The following ROBO1 variants were observed in gnomAD, a reference collection of about 807,000 sequenced individuals.
ROBO1 encodes roundabout guidance receptor 1, also known as roundabout homolog 1.
In ROBO1, 149 loss-of-function variants were observed where a neutral mutation model predicts 195.9. The ratio of observed to expected loss-of-function variants is 0.76; its 90% CI spans 0.67 to 0.87. The LOEUF is 0.87. Among genes scored for constraint, ROBO1 ranks in the 40% least tolerant of loss-of-function variants. The pLI is 0.00. For synonymous variants in ROBO1, 816 were observed against 733.2 expected (o/e 1.11, Z -1.82); for missense variants, 1,933 against 2,068.3 (o/e 0.93, Z 1.27).
intron 2 of ROBO1, among the ~76,000 whole-genome samples, chr3:79,182,542 G>GGTGTGTGTGTGTGT (rs71127377): frequency 0.013 from 1,876 of 148,528 alleles, 46 homozygotes; most frequent in African/African-American, 0.043. Context: ...CTGGGGCACA[G>GGTGTGTGTGTGTGT]GTGTGTGTGT....
At chr3:79,519,202 G>T (rs537708892) in intron 2 of ROBO1, among the ~76,000 whole-genome samples, 42 of 152,120 alleles carry the variant, frequency 2.8e-4, no homozygotes, top group Non-Finnish European at 5.0e-4. Flanking sequence ...GAGATGATAA[G>T]ATCTTTAAGA....
At chr3:78,909,818 A>C (rs772147715) in intron 4 of ROBO1, among the ~76,000 whole-genome samples, 3 of 151,798 alleles carry the variant, frequency 2.0e-5, no homozygotes, top group Non-Finnish European at 4.4e-5. Flanking sequence ...ACAGTTATTT[A>C]ATTTTATGAT....
chr3:78,877,161 C>T (rs539096618), intron 4 of ROBO1, among the ~76,000 whole-genome samples: 5 of 152,168 alleles, frequency 3.3e-5, no homozygotes, highest in African/African-American at 1.2e-4. Flanking sequence ...ATGTTACTGA[C>T]ATTTTGTAAT....
chr3:78,729,691 G>C (rs1363280575), intron 5 of ROBO1, among the ~76,000 whole-genome samples: 2 of 152,138 alleles, frequency 1.3e-5, no homozygotes, highest in Non-Finnish European at 2.9e-5. Context: ...ATTAAGACTA[G>C]AACCCCAAAG....
chr3:79,382,383 CAT>C (rs1223030467), intron 2 of ROBO1, among the ~76,000 whole-genome samples: 1 of 152,046 alleles, frequency 6.6e-6, no homozygotes, highest in Non-Finnish European at 1.5e-5. Flanking sequence ...ATCTGGCTAA[CAT>C]ATAGAATTTG....
intron 7 of ROBO1, chr3:78,715,313 T>G (rs2081873482): frequency 6.6e-6 from 1 of 152,124 alleles, no homozygotes; most frequent in South Asian, 2.1e-4. Flanking sequence ...CTTAACACAT[T>G]TACGTATCTT....
rs537140085 is a variant in ROBO1 at position 79,451,915 on chromosome 3, GA to G, written c.88+137908del. ...AACTTTCTGCTGTTAGGTCCGTCCA[GA>G]AAAAAAAAAGTTAAGCAATAAAATG... On this transcript the variant is annotated intron_variant, in intron 2 of 30. Coordinates refer to ENST00000464233, the MANE Select transcript of ROBO1 (RefSeq NM_002941.4). 7.2e-3 allele frequency among the ~76,000 whole-genome samples: 1,050 copies of G among 146,826 alleles called. 9 individuals carry two copies. The highest frequency in any genetic ancestry group is 0.021 in the Middle Eastern group (6 of 290).
At chr3:79,215,227 G>A (rs562469669) in intron 2 of ROBO1, among the ~76,000 whole-genome samples, 182 of 152,156 alleles carry the variant, frequency 1.2e-3, no homozygotes, top group African/African-American at 4.2e-3. Flanking sequence ...ATAGCAATAA[G>A]TCTCAGTGTT....
At position 79,589,835 on chromosome 3, in the gene ROBO1, T is replaced by C. The variant is rs1943941922; in HGVS notation, c.77A>G (p.Gln26Arg). 1 of 1,610,648 alleles carries C rather than the reference T, an allele frequency of 6.2e-7. No individual in the cohort carries two copies. Among genetic ancestry groups the C allele is most frequent in the Non-Finnish European group, 8.5e-7 (1 of 1,177,556 alleles). Reference sequence around the variant, plus strand: ...TGCACAGCACTTACCTGGAATAAGCTGGGCCAGAAACAGGTGATTTGGGGA... The same window carrying C: ...TGCACAGCACTTACCTGGAATAAGCCGGGCCAGAAACAGGTGATTTGGGGA... ...SLSPNHLFLA[Q>R]LIPDPEDVER... Residue 26 changes from glutamine (Q) to arginine (R), a missense_variant, in exon 2 of 31, where the codon CAG becomes CGG. Gln to Arg is a conservative substitution (Grantham distance 43, BLOSUM62 1). This residue lies in a region of ROBO1 where 185 missense variants were observed against 159.5 expected (regional missense o/e 1.16). Transcript: ENST00000464233.
At chr3:78,676,341 G>C (rs941179465) in intron 10 of ROBO1, among the ~76,000 whole-genome samples, 1 of 152,220 alleles carries the variant, frequency 6.6e-6, no homozygotes, top group African/African-American at 2.4e-5. Flanking sequence ...ACTTTGACGA[G>C]TTGAGAGAAG....
chr3:79,196,274 CTTT>C (rs555402658), intron 2 of ROBO1, among the ~76,000 whole-genome samples: 3 of 111,578 alleles, frequency 2.7e-5, no homozygotes, highest in East Asian at 2.5e-4. Flanking sequence ...AGAAGAGTTT[CTTT>C]TTTTTTTTTT....
intron 16 of ROBO1, 56 bp from the exon 17 acceptor site, chr3:78,659,863 C>G (rs1707275960): frequency 1.4e-6 from 2 of 1,447,680 alleles, no homozygotes; most frequent in Middle Eastern, 1.8e-4. Flanking sequence ...ACACTGAAAG[C>G]AGGTAATTAA....
intron 2 of ROBO1, among the ~76,000 whole-genome samples, chr3:79,253,222 T>C (rs1037617867): frequency 6.6e-6 from 1 of 152,140 alleles, no homozygotes; most frequent in Non-Finnish European, 1.5e-5. Context: ...TGTCGAAGTA[T>C]ACAGCCAGAG....
chr3:78,604,362 C>G (rs1416890094), intron 29 of ROBO1, among the ~76,000 whole-genome samples: 1 of 152,190 alleles, frequency 6.6e-6, no homozygotes. Context: ...AGCCACCACA[C>G]CCAGCCAACT....
At chr3:79,657,422 T>A (rs533588067) in intron 1 of ROBO1, among the ~76,000 whole-genome samples, 16 of 152,178 alleles carry the variant, frequency 1.1e-4, no homozygotes, top group African/African-American at 3.6e-4. Context: ...AAAGTAACTT[T>A]TTGATGAATG....
chr3:78,689,584 G>C (rs755058525), intron 8 of ROBO1, among the ~76,000 whole-genome samples: 29 of 151,658 alleles, frequency 1.9e-4, no homozygotes, highest in Non-Finnish European at 3.8e-4. Context: ...AATGTGCACA[G>C]AATGTAAGTC....
chr3:78,661,325 A>C, intron 15 of ROBO1, 64 bp from the exon 16 acceptor site: 1 of 1,065,724 alleles, frequency 9.4e-7, no homozygotes, highest in Non-Finnish European at 1.3e-6. Context: ...AGAAAATAAT[A>C]AAAATTAAAC....
At chr3:79,391,927 C>T (rs1046222270) in intron 2 of ROBO1, among the ~76,000 whole-genome samples, 2 of 152,146 alleles carry the variant, frequency 1.3e-5, no homozygotes, top group East Asian at 1.9e-4. Flanking sequence ...ACTTCTCCCT[C>T]GATTTGTATC....
intron 2 of ROBO1, among the ~76,000 whole-genome samples, chr3:79,324,669 C>T (rs1422953609): frequency 6.6e-6 from 1 of 152,070 alleles, no homozygotes; most frequent in Non-Finnish European, 1.5e-5. Context: ...GAGGTGGCCT[C>T]ATAGCCAGTG....
Sources: allele counts gnomAD v4.1 joint callset (sites outside exome capture counted in the v4.1 genomes callset), GRCh38; gene constraint gnomAD v4.1.1; regional missense constraint gnomAD v4.1.1; transcripts MANE v1.5; gene names NCBI Gene and HGNC (gene_info 2026-07-23, HGNC 2026-07-21).